ST18: variants seen among roughly 807,000 people sequenced by gnomAD.
The protein encoded by ST18 is suppression of tumorigenicity 18 protein.
Under a neutral mutation model 110.0 loss-of-function variants are expected in ST18, and 50 were observed. That is an observed-to-expected ratio of 0.45 (90% CI 0.36 to 0.58). The LOEUF is 0.58. ST18 is among the 20% of genes least tolerant of loss of function. The pLI, the probability that ST18 is intolerant of heterozygous loss-of-function variation, is 0.00. For missense variants in ST18, 1,306 were observed against 1,280.1 expected (o/e 1.02, Z -0.31); for synonymous variants, 461 against 452.4 (o/e 1.02, Z -0.24).
intron 2 of ST18, among the ~76,000 whole-genome samples, chr8:52,371,255 A>T (rs1240506932): frequency 6.6e-6 from 1 of 152,230 alleles, no homozygotes; most frequent in East Asian, 1.9e-4. Context: ...CATCTACTCC[A>T]TAATAATATT....
At chr8:52,386,966 C>T (rs867720605) in intron 2 of ST18, among the ~76,000 whole-genome samples, 22 of 152,260 alleles carry the variant, frequency 1.4e-4, no homozygotes, top group Admixed American at 5.9e-4. Context: ...GCTTTCTAAA[C>T]GGAAGCACTT....
At chr8:52,236,808 G>A (rs1015918658) in intron 2 of ST18, among the ~76,000 whole-genome samples, 1 of 152,112 alleles carries the variant, frequency 6.6e-6, no homozygotes, top group Non-Finnish European at 1.5e-5. Context: ...AGTCATAAGA[G>A]CTAAGATAAT....
intron 2 of ST18, among the ~76,000 whole-genome samples, chr8:52,234,342 G>T (rs2092231060): frequency 6.6e-6 from 1 of 152,020 alleles, no homozygotes; most frequent in African/African-American, 2.4e-5. Flanking sequence ...TCGGCTCACT[G>T]CAACCTCCGC....
intron 8 of ST18, among the ~76,000 whole-genome samples, chr8:52,208,779 C>T (rs2081078119): frequency 6.6e-6 from 1 of 152,268 alleles, no homozygotes. Context: ...GATCGCGCCA[C>T]TGCACTCTAG....
intron 2 of ST18, among the ~76,000 whole-genome samples, chr8:52,239,479 G>A (rs904919470): frequency 2.4e-4 from 36 of 152,106 alleles, no homozygotes; most frequent in African/African-American, 8.5e-4. Flanking sequence ...GCATCACACA[G>A]GGAAATCAGT....
At position 52,188,433 on chromosome 8, in the gene ST18, G is replaced by A. The variant is rs546091135; in HGVS notation, c.87-8121C>T. 2.6e-5 allele frequency among the ~76,000 whole-genome samples: 4 copies of A among 152,312 alleles called. No individual in the cohort carries two copies. The South Asian group carries it at 6.2e-4, about 24-fold the overall frequency. ...TAGCACCGTGCAAGGCACATCTGAA[G>A]GCGAACACAAAGGCTCAGGCACAGT... On this transcript the variant is annotated intron_variant, in intron 8 of 25. Transcript: ENST00000689386.
intron 2 of ST18, among the ~76,000 whole-genome samples, chr8:52,310,294 T>G (rs1241823982): frequency 1.3e-5 from 2 of 152,220 alleles, no homozygotes; most frequent in Non-Finnish European, 2.9e-5. Context: ...TGTCTGTTTC[T>G]GATACTAAAA....
intron 2 of ST18, among the ~76,000 whole-genome samples, chr8:52,293,386 A>T (rs773559166): frequency 5.3e-5 from 8 of 152,256 alleles, no homozygotes; most frequent in Non-Finnish European, 8.8e-5. Flanking sequence ...TGCACAGCAC[A>T]TGTGCCACTG....
intron 2 of ST18, among the ~76,000 whole-genome samples, chr8:52,367,236 TCACACA>T (rs748933981): frequency 5.8e-5 from 7 of 120,190 alleles, no homozygotes; most frequent in African/African-American, 1.8e-4. Flanking sequence ...GGACCCTGTC[TCACACA>T]CACACACACA....
At chr8:52,393,360 G>A (rs970703616) in intron 2 of ST18, among the ~76,000 whole-genome samples, 9 of 152,088 alleles carry the variant, frequency 5.9e-5, no homozygotes, top group African/African-American at 2.2e-4. Flanking sequence ...AGAGAATAAC[G>A]CATGTGCAGC....
At position 52,155,526 on chromosome 8, in the gene ST18, G is replaced by A. The variant is rs1279937196; in HGVS notation, c.1806+3372C>T. Among the ~76,000 whole-genome samples, 5 of 152,212 alleles carry A rather than the reference G, an allele frequency of 3.3e-5. No homozygotes were observed. The East Asian group carries it at 9.6e-4, about 29-fold the overall frequency. On this transcript the variant is annotated intron_variant, in intron 15 of 25. Coordinates refer to ENST00000689386, the MANE Select transcript of ST18 (RefSeq NM_001352837.2). ...GTGTGATGGGAGCCGGCACTTGAGG[G>A]ATGCTGGTTGAGTGAATGGATGACC...
intron 5 of ST18, 88 bp from the exon 6 acceptor site, chr8:52,217,989 A>G (rs1430068988): frequency 2.6e-5 from 4 of 152,194 alleles, no homozygotes; most frequent in Admixed American, 1.3e-4. Context: ...CCAATTACTG[A>G]CATGTGGGGA....
intron 2 of ST18, among the ~76,000 whole-genome samples, chr8:52,258,144 C>T (rs923172317): frequency 9.2e-5 from 14 of 152,116 alleles, no homozygotes; most frequent in African/African-American, 3.1e-4. Context: ...ACATATTTAT[C>T]TTTATGCCAG....
At chr8:52,152,637 A>G (rs2059104208) in intron 15 of ST18, among the ~76,000 whole-genome samples, 1 of 152,230 alleles carries the variant, frequency 6.6e-6, no homozygotes, top group Non-Finnish European at 1.5e-5. Flanking sequence ...ACTATATTCT[A>G]GGGAAAGTAA....
intron 2 of ST18, among the ~76,000 whole-genome samples, chr8:52,278,228 T>C (rs551028114): frequency 2.6e-5 from 4 of 152,324 alleles, no homozygotes; most frequent in Non-Finnish European, 2.9e-5. Flanking sequence ...CCTGACATCA[T>C]ACGTTCTGGG....
At chr8:52,334,035 T>C (rs1456836196) in intron 2 of ST18, among the ~76,000 whole-genome samples, 4 of 152,184 alleles carry the variant, frequency 2.6e-5, no homozygotes, top group Non-Finnish European at 2.9e-5. Context: ...CCCTTTGCTC[T>C]CTCAGACGAG....
chr8:52,218,544 T>C (rs564330624), intron 5 of ST18, among the ~76,000 whole-genome samples: 1 of 148,546 alleles, frequency 6.7e-6, no homozygotes, highest in East Asian at 2.0e-4. Context: ...TGTGTCACCA[T>C]GCCTGGCTAA....
At chr8:52,354,806 C>T (rs1022045802) in intron 2 of ST18, among the ~76,000 whole-genome samples, 1 of 152,230 alleles carries the variant, frequency 6.6e-6, no homozygotes, top group Non-Finnish European at 1.5e-5. Flanking sequence ...AAGCTTTAGA[C>T]TGGCCAAGAC....
rs2042544423 is a variant in ST18 at position 52,116,370 on chromosome 8, G to A, written c.2908C>T (p.Leu970Phe). The change falls in exon 25 of 26, where the codon CTC (leucine) becomes TTC (phenylalanine). Residue 970 changes from leucine to phenylalanine, a missense_variant. By Grantham distance (22) the Leu-to-Phe change is conservative. Transcript: ENST00000689386. ...AGACTTTCATTGTTCTGTTCTATGA[G>A]TTTGTTCTCCTCCTCTATCGTCTTT... The part of the protein sequence containing the change: ...NLKTIEEENK[L>F]IEQNNESLLK... 2 of 1,613,988 alleles carry A rather than the reference G, an allele frequency of 1.2e-6. No individual in the cohort carries two copies. The highest frequency in any genetic ancestry group is 2.2e-5 in the East Asian group (1 of 44,864).
Sources: gnomAD v4.1 joint callset for allele counts (sites outside exome capture counted in the v4.1 genomes callset) on GRCh38, gnomAD v4.1.1 for gene constraint, MANE v1.5 for transcripts, NCBI Gene and HGNC (gene_info 2026-07-23, HGNC 2026-07-21) for gene names.